LRP1B: variants seen among roughly 807,000 people sequenced by gnomAD.
LRP1B encodes LDL receptor related protein 1B.
A neutral mutation model predicts 556.6 loss-of-function variants in LRP1B; 217 were observed. The ratio of observed to expected loss-of-function variants is 0.39; its 90% CI spans 0.35 to 0.44. LRP1B has a LOEUF of 0.44. Among genes scored for constraint, LRP1B ranks in the 20% least tolerant of loss-of-function variants. The probability of loss-of-function intolerance (pLI) is 1.00; values close to 1 mark genes in which losing one functional copy is unlikely to be tolerated. For missense variants in LRP1B, 5,053 were observed against 5,620.8 expected (o/e 0.90, Z 3.23); for synonymous variants, 2,047 against 1,865.8 (o/e 1.10, Z -2.50).
At chr2:141,575,514 G>A (rs1353350459) in intron 2 of LRP1B, among the ~76,000 whole-genome samples, 1 of 152,050 alleles carries the variant, frequency 6.6e-6, no homozygotes, top group Non-Finnish European at 1.5e-5. Flanking sequence ...GAAAAACTAG[G>A]CAATATCATT....
At chr2:141,703,428 G>A (rs894810177) in intron 2 of LRP1B, among the ~76,000 whole-genome samples, 25 of 151,956 alleles carry the variant, frequency 1.6e-4, no homozygotes, top group Middle Eastern at 3.4e-3. Context: ...ATAACACAAC[G>A]ATTACGGGTA....
chr2:140,765,274 T>A (rs1689062267), intron 35 of LRP1B, among the ~76,000 whole-genome samples: 1 of 152,132 alleles, frequency 6.6e-6, no homozygotes, highest in Admixed American at 6.6e-5. Flanking sequence ...AATGTAAGTG[T>A]GAAGTTTTAC....
chr2:141,714,652 A>ACTGTT (rs1268647263), intron 2 of LRP1B, among the ~76,000 whole-genome samples: 2 of 152,124 alleles, frequency 1.3e-5, no homozygotes, highest in Non-Finnish European at 2.9e-5. Context: ...GTAGGCAGAG[A>ACTGTT]CTGTTAGAAA....
chr2:141,183,732 G>T (rs1681113629), intron 7 of LRP1B, among the ~76,000 whole-genome samples: 1 of 151,888 alleles, frequency 6.6e-6, no homozygotes, highest in Non-Finnish European at 1.5e-5. Flanking sequence ...ACTTAACATA[G>T]GAGATCTTCC....
chr2:141,031,280 CAT>C (rs761608016), intron 11 of LRP1B, among the ~76,000 whole-genome samples: 16,995 of 52,718 alleles, frequency 0.32, 1,082 homozygotes, highest in Non-Finnish European at 0.41. Flanking sequence ...CACACACACA[CAT>C]ACATACATAT....
chr2:140,860,066 A>T (rs1333867428), intron 27 of LRP1B, among the ~76,000 whole-genome samples: 3 of 152,182 alleles, frequency 2.0e-5, no homozygotes, highest in Non-Finnish European at 4.4e-5. Flanking sequence ...TAACTTTGAG[A>T]AGGTAAAAAA....
At chr2:141,283,846 C>T (rs1021214495) in intron 3 of LRP1B, among the ~76,000 whole-genome samples, 6 of 151,596 alleles carry the variant, frequency 4.0e-5, no homozygotes, top group Admixed American at 3.3e-4. Flanking sequence ...AAAAGAATGA[C>T]ACTTGTCATA....
At chr2:141,258,645 C>A (rs190647207) in intron 3 of LRP1B, among the ~76,000 whole-genome samples, 1 of 152,022 alleles carries the variant, frequency 6.6e-6, no homozygotes, top group African/African-American at 2.4e-5. Context: ...GAATTGTAAT[C>A]CCCAATGTTG....
chr2:140,823,977 A>C (rs1198386768), intron 31 of LRP1B, among the ~76,000 whole-genome samples: 1 of 151,970 alleles, frequency 6.6e-6, no homozygotes, highest in African/African-American at 2.4e-5. Context: ...GCAGAAAAAA[A>C]TAGCTATTAA....
At chr2:141,546,002 G>T (rs1479204078) in intron 2 of LRP1B, among the ~76,000 whole-genome samples, 4 of 152,202 alleles carry the variant, frequency 2.6e-5, no homozygotes, top group African/African-American at 9.6e-5. Flanking sequence ...ATTTGTACCA[G>T]TAGCAACAGA....
chr2:141,829,401 A>G (rs879706083), intron 1 of LRP1B, among the ~76,000 whole-genome samples: 2 of 151,644 alleles, frequency 1.3e-5, no homozygotes, highest in Non-Finnish European at 2.9e-5. Context: ...GAGATTTTCC[A>G]AAAAAAAATT....
At chr2:140,579,289 T>C (rs1478643527) in intron 43 of LRP1B, among the ~76,000 whole-genome samples, 1 of 152,152 alleles carries the variant, frequency 6.6e-6, no homozygotes, top group Non-Finnish European at 1.5e-5. Context: ...TCACATATTA[T>C]CATGTCATAA....
chr2:141,220,679 C>T (rs999196985), intron 6 of LRP1B, among the ~76,000 whole-genome samples: 2 of 150,248 alleles, frequency 1.3e-5, no homozygotes, highest in Admixed American at 1.3e-4. Flanking sequence ...GCCAGGTCAC[C>T]TACAAAGAGA....
intron 43 of LRP1B, among the ~76,000 whole-genome samples, chr2:140,595,002 G>C (rs992359400): frequency 2.0e-5 from 3 of 149,398 alleles, no homozygotes; most frequent in African/African-American, 7.4e-5. Flanking sequence ...CATTTCTTCA[G>C]TGCCTTTTAC....
In LRP1B at chr2:141,979,607, A is replaced by G. The variant is rs942664439; in HGVS notation, c.82+151041T>C. The stretch of plus-strand genomic sequence containing the variant: ...TTTACATTCAACCTTCTTTTCAGTT[A>G]TCTTGCCGTCTTGTGTGTTTCCTTT... On this transcript the variant is annotated intron_variant, in intron 1 of 90. Transcript: ENST00000389484. Among the ~76,000 whole-genome samples the G allele has an allele frequency of 6.6e-5, 10 of 152,030 alleles. 1 individual carries two copies. Among genetic ancestry groups the G allele is most frequent in the South Asian group, 4.1e-4 (2 of 4,834 alleles).
intron 2 of LRP1B, among the ~76,000 whole-genome samples, chr2:141,530,775 C>T (rs1684846230): frequency 6.6e-6 from 1 of 151,932 alleles, no homozygotes; most frequent in Non-Finnish European, 1.5e-5. Flanking sequence ...TGAAGAGGAA[C>T]ATTCCAGGCC....
chr2:140,839,878 TA>T, intron 31 of LRP1B, 112 bp downstream of exon 31: 1 of 715,694 alleles, frequency 1.4e-6, no homozygotes, highest in Non-Finnish European at 2.3e-6. Flanking sequence ...TTCCTGAATT[TA>T]CTTATTTTAC....
intron 3 of LRP1B, among the ~76,000 whole-genome samples, chr2:141,367,340 CTTAAA>C (rs1303700599): frequency 2.0e-5 from 3 of 152,074 alleles, no homozygotes; most frequent in East Asian, 1.9e-4. Flanking sequence ...AAAATAAGAA[CTTAAA>C]TTAGACACAG....
intron 41 of LRP1B, among the ~76,000 whole-genome samples, chr2:140,613,370 A>AATATATAATTATATACATATAAAT (rs1559005808): frequency 2.4e-5 from 2 of 84,740 alleles, no homozygotes; most frequent in Non-Finnish European, 5.8e-5. Context: ...TATAAATATA[A>AATATATAATTATATACATATAAAT]ATATATATAA....
Sources: allele counts gnomAD v4.1 joint callset (sites outside exome capture counted in the v4.1 genomes callset), GRCh38; gene constraint gnomAD v4.1.1; transcripts MANE v1.5; gene names NCBI Gene and HGNC (gene_info 2026-07-23, HGNC 2026-07-21).